FRMD4A: variants seen among roughly 807,000 people sequenced by gnomAD.
FRMD4A encodes the protein FERM domain containing 4A, also known as FERM domain-containing protein 4A.
A neutral mutation model predicts 129.1 loss-of-function variants in FRMD4A; 29 were observed. That is an observed-to-expected ratio of 0.22 (90% CI 0.17 to 0.31). The LOEUF is 0.31. Among genes scored for constraint, FRMD4A ranks in the 10% least tolerant of loss-of-function variants. FRMD4A has a pLI of 1.00. For synonymous variants in FRMD4A, 634 were observed against 571.6 expected (o/e 1.11, Z -1.56); for missense variants, 1,272 against 1,375.8 (o/e 0.92, Z 1.19).
At chr10:14,155,755 G>C (rs1840564892) in intron 2 of FRMD4A, among the ~76,000 whole-genome samples, 1 of 152,004 alleles carries the variant, frequency 6.6e-6, no homozygotes. Flanking sequence ...AGAGTGGTTG[G>C]AGGTTTGGAG....
At chr10:13,687,712 A>T (rs1411576480) in intron 15 of FRMD4A, among the ~76,000 whole-genome samples, 1 of 152,204 alleles carries the variant, frequency 6.6e-6, no homozygotes, top group East Asian at 1.9e-4. Context: ...ATGTGGAAGC[A>T]ATCACTGGGC....
intron 5 of FRMD4A, among the ~76,000 whole-genome samples, chr10:13,784,719 T>C (rs2092812594): frequency 6.6e-6 from 1 of 152,180 alleles, no homozygotes; most frequent in South Asian, 2.1e-4. Flanking sequence ...CCAGGCGCGG[T>C]GGCTCACACC....
intron 2 of FRMD4A, among the ~76,000 whole-genome samples, chr10:14,057,981 TA>T (rs1565218277): frequency 6.6e-6 from 1 of 152,174 alleles, no homozygotes; most frequent in East Asian, 1.9e-4. Context: ...CACTCAGAAA[TA>T]AAAAGAGAGC....
At chr10:13,884,182 ACACACACACACACT>A (rs2094586320) in intron 2 of FRMD4A, among the ~76,000 whole-genome samples, 1 of 56,422 alleles carries the variant, frequency 1.8e-5, no homozygotes, top group African/African-American at 5.8e-5. Flanking sequence ...ACACTCACAC[ACACACACACACACT>A]CACACACACA....
chr10:13,793,564 G>A (rs2093049738), intron 5 of FRMD4A, among the ~76,000 whole-genome samples: 1 of 152,170 alleles, frequency 6.6e-6, no homozygotes, highest in Admixed American at 6.5e-5. Context: ...TTACACCAAA[G>A]GAGAAAGGAT....
At chr10:13,700,906 G>C (rs182833515) in intron 14 of FRMD4A, among the ~76,000 whole-genome samples, 1 of 145,566 alleles carries the variant, frequency 6.9e-6, no homozygotes, top group Non-Finnish European at 1.5e-5. Context: ...ACCGCCTGAG[G>C]GTTTTCACAG....
In FRMD4A at chr10:14,131,358, C is replaced by T. The variant is rs180833808; in HGVS notation, c.45+198700G>A. Among the ~76,000 whole-genome samples the T allele has an allele frequency of 4.4e-4, 67 of 152,102 alleles. 1 individual carries two copies. Among genetic ancestry groups the T allele is most frequent in the Admixed American group, 3.8e-3 (58 of 15,286 alleles). On this transcript the variant is annotated intron_variant, in intron 2 of 24. Coordinates refer to ENST00000357447, the MANE Select transcript of FRMD4A (RefSeq NM_018027.5). ...GATGGCAGAGTAGAAGCAAAGCCAA[C>T]CTTCCGGCTGCTTTAGCTCCTTAGC...
chr10:13,774,961 A>AAC (rs1554890764), intron 6 of FRMD4A, among the ~76,000 whole-genome samples: 2 of 150,502 alleles, frequency 1.3e-5, no homozygotes, highest in African/African-American at 4.9e-5. Flanking sequence ...AAAAAAAAAA[A>AAC]CAACAAAAAA....
At chr10:13,834,105 A>T (rs886068145) in intron 3 of FRMD4A, among the ~76,000 whole-genome samples, 4 of 152,134 alleles carry the variant, frequency 2.6e-5, no homozygotes, top group Non-Finnish European at 5.9e-5. Context: ...CTCTACTAAA[A>T]ATATAAAAAT....
chr10:14,253,535 T>C (rs1201475143), intron 2 of FRMD4A, among the ~76,000 whole-genome samples: 2 of 152,256 alleles, frequency 1.3e-5, no homozygotes, highest in African/African-American at 4.8e-5. Flanking sequence ...CAGATCGTTA[T>C]AGCTTTAGTA....
At chr10:13,843,032 G>C (rs988688540) in intron 3 of FRMD4A, among the ~76,000 whole-genome samples, 4 of 152,126 alleles carry the variant, frequency 2.6e-5, no homozygotes, top group African/African-American at 9.7e-5. Context: ...AAAAAGTCTG[G>C]GAACTGCTGC....
intron 2 of FRMD4A, among the ~76,000 whole-genome samples, chr10:14,044,507 A>C (rs1418300621): frequency 6.6e-6 from 1 of 152,228 alleles, no homozygotes; most frequent in Non-Finnish European, 1.5e-5. Context: ...ACGAAGAGTG[A>C]ATTTGGACAC....
chr10:13,886,055 T>C (rs1431324412), intron 2 of FRMD4A, among the ~76,000 whole-genome samples: 2 of 152,208 alleles, frequency 1.3e-5, no homozygotes, highest in Non-Finnish European at 2.9e-5. Context: ...GGACCCACAC[T>C]GTCTGGCTTC....
At chr10:13,908,306 T>C (rs2094905002) in intron 2 of FRMD4A, among the ~76,000 whole-genome samples, 1 of 152,164 alleles carries the variant, frequency 6.6e-6, no homozygotes, top group African/African-American at 2.4e-5. Context: ...TCTCATCCTT[T>C]TTCCTTCCCT....
At chr10:14,276,626 T>C (rs925681116) in intron 2 of FRMD4A, among the ~76,000 whole-genome samples, 1 of 152,136 alleles carries the variant, frequency 6.6e-6, no homozygotes, top group Non-Finnish European at 1.5e-5. Context: ...GGTAAAATTG[T>C]GTGAGAAGAG....
chr10:14,231,349 T>TG (rs1320936642), intron 2 of FRMD4A, among the ~76,000 whole-genome samples: 1 of 151,782 alleles, frequency 6.6e-6, no homozygotes, highest in Non-Finnish European at 1.5e-5. Context: ...CATTGTGGTT[T>TG]TTTTTTTTTT....
In FRMD4A at chr10:13,884,156, T is replaced by TCA. The variant is rs1286449818; in HGVS notation, c.46-25246_46-25245dup. Among the ~76,000 whole-genome samples, 218 of 29,614 alleles carry TCA rather than the reference T, an allele frequency of 7.4e-3. 2 individuals are homozygous for TCA. Among genetic ancestry groups the TCA allele is most frequent in the African/African-American group, 0.02 (191 of 9,662 alleles). 19.4% of individuals were successfully genotyped at this position (29,614 alleles called of 152,430 possible). ...CGCTCACACACACTCTCACACACTC[T>TCA]CACACACACACTCACACACTCACAC... is the stretch of plus-strand genomic sequence containing the variant. On this transcript the variant is annotated intron_variant, in intron 2 of 24. Coordinates refer to ENST00000357447, the MANE Select transcript of FRMD4A (RefSeq NM_018027.5).
At chr10:13,834,551 G>A (rs1300383400) in intron 3 of FRMD4A, among the ~76,000 whole-genome samples, 1 of 152,130 alleles carries the variant, frequency 6.6e-6, no homozygotes, top group East Asian at 1.9e-4. Context: ...ATAGTCAAAG[G>A]ATACCAGAAT....
chr10:14,147,062 A>T (rs577573660), intron 2 of FRMD4A, among the ~76,000 whole-genome samples: 1 of 152,348 alleles, frequency 6.6e-6, no homozygotes, highest in Non-Finnish European at 1.5e-5. Flanking sequence ...AAACAAACAA[A>T]TGCCAGACAG....
Sources: allele counts gnomAD v4.1 joint callset (sites outside exome capture counted in the v4.1 genomes callset), GRCh38; gene constraint gnomAD v4.1.1; transcripts MANE v1.5; gene names NCBI Gene and HGNC (gene_info 2026-07-23, HGNC 2026-07-21).